KIF13A: variants seen among roughly 807,000 people sequenced by gnomAD.
KIF13A encodes kinesin-like protein KIF13A.
Under a neutral mutation model 212.2 loss-of-function variants are expected in KIF13A, and 79 were observed. The ratio of observed to expected loss-of-function variants is 0.37; its 90% CI spans 0.31 to 0.45. The LOEUF is 0.45. Ranked by LOEUF, KIF13A falls within the 20% of genes least tolerant of loss-of-function variation. The pLI, the probability that KIF13A is intolerant of heterozygous loss-of-function variation, is 1.00. For missense variants in KIF13A, 1,901 were observed against 2,209.0 expected (o/e 0.86, Z 2.79); for synonymous variants, 789 against 808.6 (o/e 0.98, Z 0.41).
intron 23 of KIF13A, 81 bp downstream of exon 23, chr6:17,796,588 T>A: frequency 4.6e-5 from 36 of 778,224 alleles, no homozygotes; most frequent in Non-Finnish European, 6.3e-5. Context: ...ATAAGCAGCC[T>A]CCTAGGCCAG....
Position 17,951,467 on chromosome 6 carries a change from T to C in KIF13A, c.146+35587A>G, listed in dbSNP as rs191456636. On this transcript the variant is annotated intron_variant, in intron 2 of 38. Coordinates refer to ENST00000259711, the MANE Select transcript of KIF13A (RefSeq NM_022113.6). The surrounding 1 kb of genome is among the most constrained non-coding windows in gnomAD (Gnocchi z 4.9). The stretch of plus-strand genomic sequence containing the variant: ...AAAAAAAAAAAACAGCTTTAAGATA[T>C]AATTTATATACCATACAATTTACCC... 3.6e-6 allele frequency: 2 copies of C among 548,234 alleles called. No individual in the cohort carries two copies. The highest frequency in any genetic ancestry group is 3.2e-6 in the Non-Finnish European group (1 of 309,158). 34.0% of individuals were successfully genotyped at this position (548,234 alleles called of 1,614,324 possible). A position where few individuals can be genotyped will look rare whatever the true frequency, so the allele number is the denominator to read the frequency against.
intron 3 of KIF13A, among the ~76,000 whole-genome samples, chr6:17,873,729 C>T (rs1217372421): frequency 6.6e-6 from 1 of 151,922 alleles, no homozygotes; most frequent in Non-Finnish European, 1.5e-5. Flanking sequence ...CTAGGACCAC[C>T]AGTGCATGCC....
At chr6:17,948,557 C>T (rs1411449451) in intron 2 of KIF13A, among the ~76,000 whole-genome samples, 14 of 84,126 alleles carry the variant, frequency 1.7e-4, no homozygotes, top group African/African-American at 2.5e-4. Flanking sequence ...CATCCATTTA[C>T]TTTTTTTTTT....
chr6:17,906,473 A>C (rs1179779766), intron 2 of KIF13A, among the ~76,000 whole-genome samples: 1 of 108,060 alleles, frequency 9.3e-6, no homozygotes, highest in Non-Finnish European at 1.8e-5. Context: ...TTTTTGGAGG[A>C]GATCTCACTC....
chr6:17,898,223 G>A lies in KIF13A; in HGVS notation c.147-43C>T. 2 of 1,605,270 alleles carry A rather than the reference G, an allele frequency of 1.2e-6. No individual in the cohort carries two copies. Among genetic ancestry groups the A allele is most frequent in the Non-Finnish European group, 1.7e-6 (2 of 1,173,280 alleles). ...AAAAATTCAGCAGCAGGGATACAGAGGGTTGTCAACACAGCAGCCACATCA... is the reference window on the plus strand; with the variant it reads ...AAAAATTCAGCAGCAGGGATACAGAAGGTTGTCAACACAGCAGCCACATCA... On this transcript the variant is annotated intron_variant, in intron 2 of 38. Transcript: ENST00000259711. This position sits in a 1 kb window ranked among gnomAD's most constrained non-coding sequence, Gnocchi z 5.2.
rs200795000 is a variant in KIF13A at position 17,851,938 on chromosome 6, T to A, written c.582+17A>T. ...TTATAGTCAGCTTTTAATCACATTT[T>A]AAAAAAAATGACTTACCTCAAAACT... On this transcript the variant is annotated intron_variant, in intron 7 of 38. Coordinates refer to ENST00000259711, the MANE Select transcript of KIF13A (RefSeq NM_022113.6). 3.3e-4 allele frequency: 462 copies of A among 1,379,198 alleles called. 1 individual carries two copies. Among genetic ancestry groups the A allele is most frequent in the African/African-American group, 3.0e-3 (202 of 66,888 alleles). The allele number at this position is 1,379,198 out of a possible 1,614,324, so 85.4% of individuals were successfully genotyped here. A position where few individuals can be genotyped will look rare whatever the true frequency, so the allele number is the denominator to read the frequency against.
Position 17,958,056 on chromosome 6 carries a change from A to C in KIF13A, c.146+28998T>G, listed in dbSNP as rs111351932. 1.3e-3 allele frequency among the ~76,000 whole-genome samples: 191 copies of C among 152,314 alleles called. 1 individual carries two copies. Among genetic ancestry groups the C allele is most frequent in the Admixed American group, 2.7e-3 (42 of 15,294 alleles). On this transcript the variant is annotated intron_variant, in intron 2 of 38. Coordinates refer to ENST00000259711, the MANE Select transcript of KIF13A (RefSeq NM_022113.6). ...AAGCTCTCACCAAACCCTGCTTTTG[A>C]AGCAGCTTCAGTCTGATAAACTGAC...
At position 17,834,502 on chromosome 6, in the gene KIF13A, T is replaced by C. The variant is rs979012460; in HGVS notation, c.1156-431A>G. Among the ~76,000 whole-genome samples the C allele has an allele frequency of 6.6e-6, 1 of 152,226 alleles. No individual in the cohort carries two copies. The highest frequency in any genetic ancestry group is 1.5e-5 in the Non-Finnish European group (1 of 68,044). On this transcript the variant is annotated intron_variant, in intron 11 of 38. Transcript: ENST00000259711. The surrounding 1 kb of genome is among the most constrained non-coding windows in gnomAD (Gnocchi z 4.0). The stretch of plus-strand genomic sequence containing the variant: ...AAAGGTAAAGACTTCTCATGTATTT[T>C]AAATTTTGAATCTGGGCCTTTAGAC...
At chr6:17,976,510 C>G (rs931134604) in intron 2 of KIF13A, among the ~76,000 whole-genome samples, 3 of 152,202 alleles carry the variant, frequency 2.0e-5, no homozygotes, top group Non-Finnish European at 2.9e-5. Context: ...CACGCCCACC[C>G]AGAACTCCAG....
In KIF13A at chr6:17,915,169, A is replaced by G. The variant is rs1774384748; in HGVS notation, c.147-16989T>C. Among the ~76,000 whole-genome samples, 1 of 152,184 alleles carries G rather than the reference A, an allele frequency of 6.6e-6. No individual in the cohort carries two copies. The highest frequency in any genetic ancestry group is 1.5e-5 in the Non-Finnish European group (1 of 68,032). On this transcript the variant is annotated intron_variant, in intron 2 of 38. Transcript: ENST00000259711. The surrounding 1 kb of genome is among the most constrained non-coding windows in gnomAD (Gnocchi z 4.4). ...ACTTCATGCTCCATGTAATAGCTTCAGGGTTATTAGCTGAATAATCCCTTA... is the reference window on the plus strand; with the variant it reads ...ACTTCATGCTCCATGTAATAGCTTCGGGGTTATTAGCTGAATAATCCCTTA...
intron 20 of KIF13A, among the ~76,000 whole-genome samples, chr6:17,802,946 TGTTTTGA>T (rs1194986247): frequency 6.6e-6 from 1 of 150,794 alleles, no homozygotes; most frequent in Non-Finnish European, 1.5e-5. Context: ...TTTTTTGTTT[TGTTTTGA>T]GACAGAATCT....
At chr6:17,911,486 CT>C (rs1774056725) in intron 2 of KIF13A, among the ~76,000 whole-genome samples, 1 of 152,122 alleles carries the variant, frequency 6.6e-6, no homozygotes, top group Non-Finnish European at 1.5e-5. Flanking sequence ...GATAAAAACA[CT>C]TTTTTAAAAT....
rs982595329 is a variant in KIF13A, at chr6:17,984,658, A to G, written c.146+2396T>C. On this transcript the variant is annotated intron_variant, in intron 2 of 38. Transcript: ENST00000259711. The surrounding 1 kb of genome is among the most constrained non-coding windows in gnomAD (Gnocchi z 5.0). The stretch of plus-strand genomic sequence containing the variant: ...CTGGTAAGACTGAAAACTTTCACCC[A>G]CTAACCTTCAATTTCTATCCATGGC... The G allele has an allele frequency of 9.2e-6, 4 of 436,970 alleles. No homozygotes were observed. The highest frequency in any genetic ancestry group is 1.2e-5 in the Non-Finnish European group (4 of 329,648). The allele number at this position is 436,970 out of a possible 1,614,324, so 27.1% of individuals were successfully genotyped here. A position where few individuals can be genotyped will look rare whatever the true frequency, so the allele number is the denominator to read the frequency against.
Position 17,783,277 on chromosome 6 carries a change from T to G in KIF13A, c.3544+369A>C, listed in dbSNP as rs962886196. ...CCCCTAAGGCAGGGTTATAGTGTGA[T>G]CACTTCTGCCATCAAAACTATTTGA... On this transcript the variant is annotated intron_variant, in intron 29 of 38. Transcript: ENST00000259711. This position sits in a 1 kb window ranked among gnomAD's most constrained non-coding sequence, Gnocchi z 4.3. 6.6e-6 allele frequency among the ~76,000 whole-genome samples: 1 copy of G among 152,216 alleles called. No individual in the cohort carries two copies. The highest frequency in any genetic ancestry group is 1.5e-5 in the Non-Finnish European group (1 of 68,050).
intron 11 of KIF13A, 58 bp downstream of exon 11, chr6:17,836,820 C>T: frequency 2.7e-6 from 4 of 1,481,792 alleles, no homozygotes; most frequent in Non-Finnish European, 3.8e-6. Flanking sequence ...ACACCCTTGC[C>T]AGTCAAATCC....
chr6:17,976,056 G>C (rs940323596), intron 2 of KIF13A, among the ~76,000 whole-genome samples: 3 of 152,236 alleles, frequency 2.0e-5, no homozygotes, highest in African/African-American at 7.2e-5. Context: ...ATGCCGATTG[G>C]TGTATTTACA....
At chr6:17,910,179 T>C (rs2055245327) in intron 2 of KIF13A, among the ~76,000 whole-genome samples, 1 of 152,196 alleles carries the variant, frequency 6.6e-6, no homozygotes, top group African/African-American at 2.4e-5. Context: ...AGTCCGTATT[T>C]AAAAATAGAT....
intron 9 of KIF13A, among the ~76,000 whole-genome samples, chr6:17,846,831 C>T (rs12190120): frequency 0.4 from 61,316 of 152,002 alleles, 13,145 homozygotes; most frequent in Admixed American, 0.5. Flanking sequence ...CATCTAGATG[C>T]TGCCTGGCAA....
intron 2 of KIF13A, among the ~76,000 whole-genome samples, chr6:17,962,535 CAG>C (rs1447388910): frequency 2.0e-5 from 3 of 151,948 alleles, no homozygotes; most frequent in Non-Finnish European, 2.9e-5. Flanking sequence ...AGGCAGCAGC[CAG>C]AGAGGCTCCA....
Sources: allele counts gnomAD v4.1 joint callset (sites outside exome capture counted in the v4.1 genomes callset), GRCh38; gene constraint gnomAD v4.1.1; non-coding constraint Gnocchi (gnomAD v3.1); transcripts MANE v1.5; gene names NCBI Gene and HGNC (gene_info 2026-07-23, HGNC 2026-07-21).